Variants in SLC38A11 observed in about 807,000 individuals in gnomAD.
SLC38A11 encodes the protein solute carrier family 38 member 11.
A neutral mutation model predicts 49.4 loss-of-function variants in SLC38A11; 51 were observed. The observed-to-expected ratio is 1.03, with a 90% CI of 0.83 to 1.30. The LOEUF is 1.30. SLC38A11 is among the 50% of genes most tolerant of loss of function. The probability of loss-of-function intolerance (pLI) is 0.00; values close to 1 mark genes in which losing one functional copy is unlikely to be tolerated. For missense variants in SLC38A11, 574 were observed against 556.2 expected (o/e 1.03, Z -0.32); for synonymous variants, 203 against 192.9 (o/e 1.05, Z -0.43).
At position 164,898,435 on chromosome 2, in the gene SLC38A11, A is replaced by T. The variant is rs1324796225; in HGVS notation, c.*2T>A. ...AACATACATATTTTTAAAGCAGTCAACTCATTGAAAGATACTAATATTTAA... is the reference window on the plus strand; with the variant it reads ...AACATACATATTTTTAAAGCAGTCATCTCATTGAAAGATACTAATATTTAA... On this transcript the variant is annotated 3_prime_UTR_variant, in exon 12 of 12. Coordinates refer to ENST00000685975, the MANE Select transcript of SLC38A11 (RefSeq NM_001351537.2). 1 of 1,597,852 alleles carries T rather than the reference A, an allele frequency of 6.3e-7. No homozygotes were observed. The highest frequency in any genetic ancestry group is 1.1e-5 in the South Asian group (1 of 90,458).
At chr2:164,901,457 T>C (rs1684647509) in intron 11 of SLC38A11, among the ~76,000 whole-genome samples, 1 of 152,132 alleles carries the variant, frequency 6.6e-6, no homozygotes, top group Non-Finnish European at 1.5e-5. Context: ...TTTTATAGTT[T>C]TCAGTATACA....
At chr2:164,918,204 T>C (rs1685937222) in intron 7 of SLC38A11, among the ~76,000 whole-genome samples, 1 of 152,096 alleles carries the variant, frequency 6.6e-6, no homozygotes, top group African/African-American at 2.4e-5. Flanking sequence ...CTGTAAATGC[T>C]GAAATATGAA....
chr2:164,951,048 G>T (rs13421059), intron 3 of SLC38A11, among the ~76,000 whole-genome samples: 66,787 of 151,918 alleles, frequency 0.44, 15,102 homozygotes, highest in South Asian at 0.68. Context: ...AAGTAAATTT[G>T]CAATATGTGA....
At chr2:164,947,155 A>AG (rs1688181966) in intron 3 of SLC38A11, among the ~76,000 whole-genome samples, 1 of 85,830 alleles carries the variant, frequency 1.2e-5, no homozygotes, top group Non-Finnish European at 1.9e-5. Context: ...TTTTTGAGAT[A>AG]GAGTCTTGCT....
chr2:164,949,684 C>A (rs1688386053), intron 3 of SLC38A11, among the ~76,000 whole-genome samples: 1 of 152,148 alleles, frequency 6.6e-6, no homozygotes, highest in Admixed American at 6.5e-5. Context: ...GAAGGAAGAA[C>A]AAGATTTCAC....
At chr2:164,938,874 A>G (rs530240833) in intron 6 of SLC38A11, among the ~76,000 whole-genome samples, 1 of 152,316 alleles carries the variant, frequency 6.6e-6, no homozygotes, top group South Asian at 2.1e-4. Context: ...GAGTAAGTGC[A>G]AATGAGCATC....
chr2:164,914,111 G>A (rs1011230301), intron 9 of SLC38A11, among the ~76,000 whole-genome samples: 9 of 152,046 alleles, frequency 5.9e-5, no homozygotes, highest in Admixed American at 5.3e-4. Context: ...TTAAGAGTCA[G>A]AAGACTTGTT....
intron 7 of SLC38A11, among the ~76,000 whole-genome samples, chr2:164,931,345 G>T (rs1024342579): frequency 6.6e-6 from 1 of 150,868 alleles, no homozygotes; most frequent in Non-Finnish European, 1.5e-5. Context: ...TGGCCACACT[G>T]CCCAAAGCAA....
At chr2:164,911,775 T>C (rs1490919330) in intron 9 of SLC38A11, 27 bp from the exon 10 acceptor site, 1 of 1,279,856 alleles carries the variant, frequency 7.8e-7, no homozygotes, top group Admixed American at 2.1e-5. Flanking sequence ...AATAAGTTTA[T>C]TTACTAGATA....
intron 7 of SLC38A11, among the ~76,000 whole-genome samples, chr2:164,932,833 A>G (rs1167655885): frequency 2.0e-5 from 3 of 152,076 alleles, no homozygotes; most frequent in East Asian, 1.9e-4. Context: ...ACAAACTCCC[A>G]TGATACAAGT....
intron 3 of SLC38A11, among the ~76,000 whole-genome samples, chr2:164,946,228 GTTA>G: frequency 7.5e-6 from 1 of 133,732 alleles, no homozygotes; most frequent in South Asian, 2.9e-4. Flanking sequence ...TTATTTTATA[GTTA>G]TTATGGTTAA....
intron 8 of SLC38A11, chr2:164,915,691 G>A: frequency 2.0e-6 from 1 of 504,640 alleles, no homozygotes. Context: ...TTCTGCATGA[G>A]AAATAGATTT....
chr2:164,949,280 G>A (rs1004494928), intron 3 of SLC38A11, among the ~76,000 whole-genome samples: 12 of 151,326 alleles, frequency 7.9e-5, no homozygotes, highest in South Asian at 4.2e-4. Flanking sequence ...ACTGAGTCTC[G>A]CTCTGTTGCC....
chr2:164,953,069 A>G, intron 2 of SLC38A11: 1 of 345,596 alleles, frequency 2.9e-6, no homozygotes, highest in South Asian at 3.0e-5. Flanking sequence ...TCACACAAAT[A>G]ACGTTTACTT....
chr2:164,952,729 T>C lies in SLC38A11; in HGVS notation c.207A>G (p.Leu69=). 4 of 1,608,394 alleles carry C rather than the reference T, an allele frequency of 2.5e-6. No individual in the cohort carries two copies. Among genetic ancestry groups the C allele is most frequent in the Non-Finnish European group, 3.4e-6 (4 of 1,178,454 alleles). The part of the protein sequence containing the change: ...QAGFPLGILL[L]FWVSYVTDFS... ...TACCTGTAACATATGAAACCCAGAA[T>C]AAAAGCAATATTCCCAAAGGAAACC... The change falls in exon 3 of 12, where the codon TTA becomes TTG. Residue 69 remains leucine, a synonymous_variant. Transcript: ENST00000685975.
intron 11 of SLC38A11, among the ~76,000 whole-genome samples, chr2:164,902,290 A>T (rs1368270566): frequency 6.6e-6 from 1 of 151,920 alleles, no homozygotes; most frequent in Non-Finnish European, 1.5e-5. Context: ...CAAAGTGCTG[A>T]GATTACAGGT....
At chr2:164,918,077 T>C (rs534946647) in intron 7 of SLC38A11, among the ~76,000 whole-genome samples, 57 of 150,286 alleles carry the variant, frequency 3.8e-4, no homozygotes, top group Non-Finnish European at 7.1e-4. Flanking sequence ...CAATCAGTTG[T>C]ACAGGAAAAA....
chr2:164,913,004 T>C (rs1685505450), intron 9 of SLC38A11, among the ~76,000 whole-genome samples: 1 of 152,064 alleles, frequency 6.6e-6, no homozygotes, highest in Non-Finnish European at 1.5e-5. Context: ...CTTTTTAAAA[T>C]TAAACTTAAT....
chr2:164,941,269 A>G (rs986128697), intron 5 of SLC38A11, among the ~76,000 whole-genome samples: 1 of 152,174 alleles, frequency 6.6e-6, no homozygotes. Flanking sequence ...GCTATTTTTT[A>G]TACCAACATT....
Sources: allele counts gnomAD v4.1 joint callset (sites outside exome capture counted in the v4.1 genomes callset), GRCh38; gene constraint gnomAD v4.1.1; transcripts MANE v1.5; gene names NCBI Gene and HGNC (gene_info 2026-07-23, HGNC 2026-07-21).